The following CSMD1 variants were observed in gnomAD, a reference collection of about 807,000 sequenced individuals.
CSMD1 encodes CUB and Sushi multiple domains 1.
A neutral mutation model predicts 417.5 loss-of-function variants in CSMD1; 213 were observed. That is an observed-to-expected ratio of 0.51 (90% confidence interval 0.46 to 0.57). The LOEUF (loss-of-function observed/expected upper bound fraction) is 0.57. CSMD1 is among the 20% of genes least tolerant of loss of function. CSMD1 has a pLI of 0.00. For missense variants in CSMD1, 6,923 were observed against 4,529.7 expected (o/e 1.53, Z -15.17); for synonymous variants, 2,862 against 1,736.8 (o/e 1.65, Z -16.11).
intron 3 of CSMD1, among the ~76,000 whole-genome samples, chr8:4,313,497 A>G (rs1214399528): frequency 1.9e-5 from 2 of 105,484 alleles, no homozygotes; most frequent in African/African-American, 7.4e-5. Flanking sequence ...AAGGTCTTAC[A>G]TGTCAAAATG....
At chr8:3,636,576 G>C (rs1159638838) in intron 7 of CSMD1, among the ~76,000 whole-genome samples, 2 of 152,140 alleles carry the variant, frequency 1.3e-5, no homozygotes, top group African/African-American at 2.4e-5. Flanking sequence ...CTTTATGCTG[G>C]TCATGAAACG....
At chr8:4,608,069 G>A (rs925950340) in intron 2 of CSMD1, among the ~76,000 whole-genome samples, 2 of 152,132 alleles carry the variant, frequency 1.3e-5, no homozygotes, top group African/African-American at 4.8e-5. Flanking sequence ...GCCCTGGGAG[G>A]AGATGGTGCT....
chr8:4,718,382 A>T (rs1181072215), intron 1 of CSMD1, among the ~76,000 whole-genome samples: 2 of 152,240 alleles, frequency 1.3e-5, no homozygotes, highest in Non-Finnish European at 2.9e-5. Context: ...AATTGGAGTC[A>T]ACTTAACATG....
intron 12 of CSMD1, among the ~76,000 whole-genome samples, chr8:3,442,706 G>A (rs1044859013): frequency 6.6e-6 from 1 of 152,148 alleles, no homozygotes; most frequent in Admixed American, 6.5e-5. Flanking sequence ...TTGTTGTTAA[G>A]CAATGCATGA....
intron 2 of CSMD1, among the ~76,000 whole-genome samples, chr8:4,475,515 A>G (rs1426540027): frequency 6.6e-6 from 1 of 152,170 alleles, no homozygotes; most frequent in East Asian, 1.9e-4. Flanking sequence ...AAAAACATGG[A>G]CTCAGAGATA....
At chr8:4,190,640 G>A (rs1006228549) in intron 3 of CSMD1, among the ~76,000 whole-genome samples, 3 of 151,528 alleles carry the variant, frequency 2.0e-5, no homozygotes, top group East Asian at 1.9e-4. Flanking sequence ...TAATATTAGT[G>A]TTGTAATGAG....
chr8:3,185,298 C>G (rs772446102), intron 36 of CSMD1, among the ~76,000 whole-genome samples: 4 of 152,180 alleles, frequency 2.6e-5, no homozygotes, highest in African/African-American at 4.8e-5. Context: ...ACTCCAAAAA[C>G]TGAAATTAAT....
At chr8:3,373,144 T>A (rs1810079100) in intron 18 of CSMD1, among the ~76,000 whole-genome samples, 1 of 152,218 alleles carries the variant, frequency 6.6e-6, no homozygotes, top group Admixed American at 6.5e-5. Context: ...ATAAAATTAA[T>A]TCATATCCAA....
At chr8:4,162,673 C>G (rs144950432) in intron 3 of CSMD1, among the ~76,000 whole-genome samples, 27 of 152,262 alleles carry the variant, frequency 1.8e-4, no homozygotes, top group African/African-American at 6.5e-4. Flanking sequence ...CTCCCATACA[C>G]AGAGCCTCCC....
chr8:3,646,213 A>G (rs1025041941), intron 7 of CSMD1, among the ~76,000 whole-genome samples: 5 of 152,182 alleles, frequency 3.3e-5, no homozygotes, highest in African/African-American at 1.2e-4. Context: ...ATATTTGAAT[A>G]AAAATTACAG....
intron 12 of CSMD1, among the ~76,000 whole-genome samples, chr8:3,455,729 A>T (rs1816079952): frequency 1.3e-5 from 2 of 152,172 alleles, no homozygotes; most frequent in Admixed American, 6.5e-5. Flanking sequence ...CCTACTGGGG[A>T]TGCGTCCCAG....
At chr8:4,305,100 C>G (rs965164036) in intron 3 of CSMD1, among the ~76,000 whole-genome samples, 1 of 152,156 alleles carries the variant, frequency 6.6e-6, no homozygotes, top group Admixed American at 6.5e-5. Flanking sequence ...TTCCATGCCT[C>G]CTGGATAAAA....
intron 3 of CSMD1, among the ~76,000 whole-genome samples, chr8:4,360,937 A>C (rs766189247): frequency 9.9e-5 from 15 of 152,178 alleles, no homozygotes; most frequent in Non-Finnish European, 1.6e-4. Context: ...ATTTCTTTTT[A>C]ATCATTTCAT....
intron 1 of CSMD1, among the ~76,000 whole-genome samples, chr8:4,745,007 T>C (rs1442621076): frequency 6.6e-6 from 1 of 152,180 alleles, no homozygotes; most frequent in Non-Finnish European, 1.5e-5. Flanking sequence ...CATCAACCTA[T>C]CATAATAAAC....
chr8:3,973,765 T>A (rs1357779414), intron 5 of CSMD1, among the ~76,000 whole-genome samples: 1 of 152,186 alleles, frequency 6.6e-6, no homozygotes, highest in Non-Finnish European at 1.5e-5. Context: ...CCAACCAGTG[T>A]TTCATTATTT....
chr8:3,423,591 T>A (rs1813632808), intron 12 of CSMD1, among the ~76,000 whole-genome samples: 1 of 152,180 alleles, frequency 6.6e-6, no homozygotes, highest in Admixed American at 6.5e-5. Context: ...GACTCAATGG[T>A]CCTCCACTCT....
chr8:4,018,590 C>T lies in CSMD1; in HGVS notation c.610+13315G>A, dbSNP rs151047259. ...GCAGAGCCTCTCCAGGCAACCAGCACCCCCTGCCCCACTCAGACTATTCAG... is the reference window on the plus strand; with the variant it reads ...GCAGAGCCTCTCCAGGCAACCAGCATCCCCTGCCCCACTCAGACTATTCAG... On this transcript the variant is annotated intron_variant, in intron 4 of 69. Transcript: ENST00000635120. Among the ~76,000 whole-genome samples the T allele has an allele frequency of 6.9e-3, 1,054 of 152,320 alleles. 12 individuals carry two copies. Among genetic ancestry groups the T allele is most frequent in the African/African-American group, 0.024 (1,000 of 41,552 alleles).
chr8:4,322,893 G>C (rs556884456), intron 3 of CSMD1, among the ~76,000 whole-genome samples: 1 of 152,188 alleles, frequency 6.6e-6, no homozygotes, highest in Non-Finnish European at 1.5e-5. Flanking sequence ...GCTGAGGCAG[G>C]AGAATCGCTT....
chr8:4,605,750 G>A (rs1403439690), intron 2 of CSMD1, among the ~76,000 whole-genome samples: 1 of 152,138 alleles, frequency 6.6e-6, no homozygotes, highest in African/African-American at 2.4e-5. Context: ...TTGTAAATCT[G>A]GGAATCAATT....
Sources: gnomAD v4.1 joint callset for allele counts (sites outside exome capture counted in the v4.1 genomes callset) on GRCh38, gnomAD v4.1.1 for gene constraint, MANE v1.5 for transcripts, NCBI Gene and HGNC (gene_info 2026-07-23, HGNC 2026-07-21) for gene names.